PEAK1: variants seen among roughly 807,000 people sequenced by gnomAD.
PEAK1 encodes inactive tyrosine-protein kinase PEAK1.
A neutral mutation model predicts 124.7 loss-of-function variants in PEAK1; 54 were observed. The observed-to-expected ratio is 0.43, with a 90% CI of 0.35 to 0.54. PEAK1 has a LOEUF of 0.54. Ranked by LOEUF, PEAK1 falls within the 20% of genes least tolerant of loss-of-function variation. The pLI, the probability that PEAK1 is intolerant of heterozygous loss-of-function variation, is 0.01. For missense variants in PEAK1, 2,046 were observed against 2,134.5 expected, an observed-to-expected ratio of 0.96 and a Z score of 0.82; for synonymous variants, 719 against 760.0, an observed-to-expected ratio of 0.95 and a Z score of 0.89.
At chr15:77,279,434 C>A (rs1409888924) in intron 5 of PEAK1, among the ~76,000 whole-genome samples, 1 of 152,190 alleles carries the variant, frequency 6.6e-6, no homozygotes, top group South Asian at 2.1e-4. Flanking sequence ...CTGCTGGGAT[C>A]TGACCCCCAA....
At chr15:77,252,801 T>C (rs1213938692) in intron 5 of PEAK1, among the ~76,000 whole-genome samples, 1 of 152,194 alleles carries the variant, frequency 6.6e-6, no homozygotes, top group Non-Finnish European at 1.5e-5. Flanking sequence ...ATTGTTTTTG[T>C]AGAGACTTAT....
chr15:77,280,958 G>A (rs1169664621), intron 5 of PEAK1, among the ~76,000 whole-genome samples: 6 of 151,988 alleles, frequency 3.9e-5, no homozygotes, highest in African/African-American at 1.4e-4. Context: ...CAGGAGTTTC[G>A]AGACCAGCCT....
At chr15:77,419,087 T>C in intron 1 of PEAK1, 1 of 985,390 alleles carries the variant, frequency 1.0e-6, no homozygotes. Context: ...AACTCATCAC[T>C]ACCCCCTCAA....
At chr15:77,318,310 A>G (rs2153012491) in intron 2 of PEAK1, among the ~76,000 whole-genome samples, 1 of 152,344 alleles carries the variant, frequency 6.6e-6, no homozygotes, top group Admixed American at 6.5e-5. Context: ...GGTGAACAGT[A>G]GACAGGAGAT....
At chr15:77,169,294 G>GT (rs2056341780) in intron 7 of PEAK1, among the ~76,000 whole-genome samples, 1 of 152,162 alleles carries the variant, frequency 6.6e-6, no homozygotes, top group Non-Finnish European at 1.5e-5. Context: ...AATTATTTAC[G>GT]TAAGAGTGAG....
chr15:77,227,283 T>C (rs541237547), intron 6 of PEAK1, among the ~76,000 whole-genome samples: 2 of 152,296 alleles, frequency 1.3e-5, no homozygotes, highest in East Asian at 1.9e-4. Flanking sequence ...CATTAAATCA[T>C]CCCATTTTCT....
At chr15:77,332,210 A>G in intron 2 of PEAK1, 2 of 979,224 alleles carry the variant, frequency 2.0e-6, no homozygotes, top group Non-Finnish European at 2.4e-6. Flanking sequence ...CTAACAATGC[A>G]TATGTGAGTC....
At chr15:77,191,852 C>CTGA (rs1023173034) in intron 6 of PEAK1, among the ~76,000 whole-genome samples, 1 of 152,038 alleles carries the variant, frequency 6.6e-6, no homozygotes, top group African/African-American at 2.4e-5. Context: ...CAAGCAGGGG[C>CTGA]TGATGTGAGA....
intron 5 of PEAK1, among the ~76,000 whole-genome samples, chr15:77,266,345 G>A (rs193058122): frequency 6.6e-6 from 1 of 152,144 alleles, no homozygotes; most frequent in East Asian, 1.9e-4. Flanking sequence ...CCACAGAGTG[G>A]GTATCATCAG....
chr15:77,222,361 TTTGTTA>T (rs577920153), intron 6 of PEAK1, among the ~76,000 whole-genome samples: 134 of 152,130 alleles, frequency 8.8e-4, no homozygotes, highest in African/African-American at 3.2e-3. Context: ...GACAAGGATG[TTTGTTA>T]TTAACTATTA....
rs747012258 is a variant in PEAK1, at chr15:77,181,559, T to A, written c.368A>T (p.Asp123Val). The change falls in exon 7 of 10, where the codon GAT becomes GTT. Residue 123 changes from aspartate (D) to valine (V), a missense_variant. By Grantham distance (152) the Asp-to-Val change is radical (BLOSUM62 -3). Coordinates refer to ENST00000682557, the MANE Select transcript of PEAK1 (RefSeq NM_001385026.1). ...CTTAGGAACATGGCTAATTCCTTCATCATCTTCATTATTATTGTTAAGTGG... is the reference window on the plus strand; with the variant it reads ...CTTAGGAACATGGCTAATTCCTTCAACATCTTCATTATTATTGTTAAGTGG... ...QKPLNNNNEDDEGISHVPKPY... is the reference protein window; with the variant it reads ...QKPLNNNNEDVEGISHVPKPY... 3.1e-6 allele frequency: 5 copies of A among 1,614,158 alleles called. No individual in the cohort carries two copies. The highest frequency in any genetic ancestry group is 3.4e-6 in the Non-Finnish European group (4 of 1,180,024).
At chr15:77,298,802 C>T (rs1309248689) in intron 2 of PEAK1, among the ~76,000 whole-genome samples, 1 of 152,082 alleles carries the variant, frequency 6.6e-6, no homozygotes, top group Admixed American at 6.6e-5. Flanking sequence ...AATCAAGCTC[C>T]TTCTACACCT....
Position 77,312,691 on chromosome 15 carries a change from A to G in PEAK1, c.-602-26187T>C, listed in dbSNP as rs564250744. Among the ~76,000 whole-genome samples the G allele has an allele frequency of 2.0e-5, 3 of 152,362 alleles. No homozygotes were observed. The East Asian group carries it at 5.8e-4, about 29-fold the overall frequency. On this transcript the variant is annotated intron_variant, in intron 2 of 9. Transcript: ENST00000682557. ...TTCCCTCGAATTTGTTTTCATACTC[A>G]TGATGAACCTCCAGGCATCAGTTCC... is the stretch of plus-strand genomic sequence containing the variant.
In PEAK1 at chr15:77,181,308, T is replaced by G. The variant is rs1171442142; in HGVS notation, c.619A>C (p.Lys207Gln). The G allele has an allele frequency of 6.2e-7, 1 of 1,614,164 alleles. No individual in the cohort carries two copies. Among genetic ancestry groups the G allele is most frequent in the Admixed American group, 1.7e-5 (1 of 60,028 alleles). ...MIGGIKETQGKHVILSGSTEV... is the reference protein window; with the variant it reads ...MIGGIKETQGQHVILSGSTEV... ...GTGCTCCCACTCAGAATAACATGCTTGCCCTGAGTTTCCTTTATCCCACCT... is the reference window on the plus strand; with the variant it reads ...GTGCTCCCACTCAGAATAACATGCTGGCCCTGAGTTTCCTTTATCCCACCT... The change falls in exon 7 of 10, where the codon AAG becomes CAG. Residue 207 changes from lysine to glutamine, a missense_variant. Transcript: ENST00000682557.
chr15:77,375,976 G>A (rs539754620), intron 1 of PEAK1, among the ~76,000 whole-genome samples: 4 of 151,668 alleles, frequency 2.6e-5, no homozygotes, highest in African/African-American at 9.7e-5. Flanking sequence ...TCCAGCCTGG[G>A]AGACAGAGCG....
At chr15:77,352,215 A>G (rs2067251158) in intron 2 of PEAK1, 1 of 985,308 alleles carries the variant, frequency 1.0e-6, no homozygotes, top group Non-Finnish European at 1.2e-6. Context: ...GTCTCAAAAA[A>G]TTATTAAAAT....
intron 1 of PEAK1, among the ~76,000 whole-genome samples, chr15:77,414,206 T>TTC (rs777952676): frequency 7.4e-6 from 1 of 135,596 alleles, no homozygotes; most frequent in Non-Finnish European, 1.6e-5. Context: ...CTTCTTTCCT[T>TTC]CTTTTTTTTT....
At chr15:77,390,302 C>T (rs796529637) in intron 1 of PEAK1, among the ~76,000 whole-genome samples, 39 of 152,326 alleles carry the variant, frequency 2.6e-4, no homozygotes, top group African/African-American at 8.7e-4. Flanking sequence ...GAAAGGATTA[C>T]ATCCAGAGCA....
intron 2 of PEAK1, among the ~76,000 whole-genome samples, chr15:77,301,623 CATCAT>C (rs1436075748): frequency 6.6e-6 from 1 of 152,158 alleles, no homozygotes; most frequent in Non-Finnish European, 1.5e-5. Context: ...GTGTCATTTT[CATCAT>C]ATCATATCAA....
Sources: gnomAD v4.1 joint callset for allele counts (sites outside exome capture counted in the v4.1 genomes callset) on GRCh38, gnomAD v4.1.1 for gene constraint, MANE v1.5 for transcripts, NCBI Gene and HGNC (gene_info 2026-07-23, HGNC 2026-07-21) for gene names.